Variants in FOXP1 observed in about 807,000 individuals in gnomAD.
The protein encoded by FOXP1 is forkhead box P1, also known as forkhead box protein P1.
Under a neutral mutation model 98.2 loss-of-function variants are expected in FOXP1, and 15 were observed. The observed-to-expected ratio is 0.15, with a 90% confidence interval of 0.10 to 0.24. The LOEUF (loss-of-function observed/expected upper bound fraction) is 0.24, where lower values mean the gene tolerates loss of function less well. FOXP1 is among the 10% of genes least tolerant of loss of function. FOXP1 has a pLI of 1.00. For synonymous variants in FOXP1, 371 were observed against 314.5 expected (o/e 1.18, Z -1.90); for missense variants, 633 against 848.5 (o/e 0.75, Z 3.15).
At chr3:71,222,089 G>T (rs755754058) in intron 5 of FOXP1, among the ~76,000 whole-genome samples, 9 of 152,142 alleles carry the variant, frequency 5.9e-5, no homozygotes, top group Admixed American at 2.6e-4. Context: ...GGAGGTGAAG[G>T]TTGCAGTGAG....
intron 6 of FOXP1, chr3:71,130,450 A>T: frequency 6.4e-7 from 1 of 1,574,458 alleles, no homozygotes; most frequent in Non-Finnish European, 8.6e-7. Context: ...TCCCTAGTTT[A>T]AAAGTTTAAC....
At chr3:71,576,747 C>T (rs776123827) in intron 2 of FOXP1, among the ~76,000 whole-genome samples, 3 of 152,158 alleles carry the variant, frequency 2.0e-5, no homozygotes, top group Non-Finnish European at 4.4e-5. Flanking sequence ...TTTCATGGCA[C>T]TAAACTGAGC....
chr3:71,034,686 G>A (rs2047347230), intron 11 of FOXP1, among the ~76,000 whole-genome samples: 1 of 152,124 alleles, frequency 6.6e-6, no homozygotes, highest in South Asian at 2.1e-4. Context: ...CACATGTCAG[G>A]TCCTTTCATC....
intron 5 of FOXP1, among the ~76,000 whole-genome samples, chr3:71,213,946 T>A (rs1005936940): frequency 1.3e-5 from 2 of 152,230 alleles, no homozygotes; most frequent in Admixed American, 1.3e-4. Context: ...GGTACTACGA[T>A]GATGAATGGA....
chr3:71,449,177 T>C (rs2086711885), intron 3 of FOXP1, among the ~76,000 whole-genome samples: 1 of 152,210 alleles, frequency 6.6e-6, no homozygotes, highest in Non-Finnish European at 1.5e-5. Flanking sequence ...TGATGTGTTT[T>C]ACTTGGGTCA....
At chr3:71,429,460 T>A (rs2084483261) in intron 3 of FOXP1, among the ~76,000 whole-genome samples, 1 of 101,936 alleles carries the variant, frequency 9.8e-6, no homozygotes, top group African/African-American at 3.9e-5. Context: ...CACTTGTGTG[T>A]GCTGCTCGTG....
intron 7 of FOXP1, among the ~76,000 whole-genome samples, chr3:71,101,918 C>T (rs1220032377): frequency 2.0e-5 from 3 of 152,176 alleles, no homozygotes; most frequent in African/African-American, 7.2e-5. Context: ...CAAGGGCCGG[C>T]GCTCTTTGCC....
intron 11 of FOXP1, among the ~76,000 whole-genome samples, chr3:71,037,517 C>G (rs1206329136): frequency 6.6e-6 from 1 of 152,096 alleles, no homozygotes; most frequent in Non-Finnish European, 1.5e-5. Context: ...GACTCTCTGT[C>G]CCTATGGAAT....
intron 3 of FOXP1, among the ~76,000 whole-genome samples, chr3:71,371,946 A>G (rs1432041770): frequency 6.6e-6 from 1 of 151,862 alleles, no homozygotes; most frequent in Non-Finnish European, 1.5e-5. Flanking sequence ...AGCCCTCTTC[A>G]TTCTCTGCAG....
At chr3:71,130,564 G>A (rs914289251) in intron 6 of FOXP1, 8 of 1,598,364 alleles carry the variant, frequency 5.0e-6, no homozygotes, top group Non-Finnish European at 5.9e-6. Flanking sequence ...TCTTCTTGCT[G>A]TAGATGGGTT....
At chr3:71,503,866 G>C (rs1484400222) in intron 2 of FOXP1, among the ~76,000 whole-genome samples, 5 of 152,070 alleles carry the variant, frequency 3.3e-5, no homozygotes, top group Admixed American at 3.3e-4. Context: ...CTCATTAGGG[G>C]GTCAGGAGAA....
At chr3:70,978,431 G>A (rs1372867757) in intron 14 of FOXP1, among the ~76,000 whole-genome samples, 4 of 152,172 alleles carry the variant, frequency 2.6e-5, no homozygotes, top group Non-Finnish European at 5.9e-5. Flanking sequence ...AGTATTTTAG[G>A]TGACACCAGT....
chr3:71,299,339 A>G (rs914636827), intron 5 of FOXP1, among the ~76,000 whole-genome samples: 1 of 152,236 alleles, frequency 6.6e-6, no homozygotes, highest in Non-Finnish European at 1.5e-5. Flanking sequence ...CAGCAGTTAC[A>G]TCAATGTGGC....
intron 6 of FOXP1, among the ~76,000 whole-genome samples, chr3:71,179,213 C>T (rs2062136033): frequency 6.7e-6 from 1 of 150,270 alleles, no homozygotes; most frequent in Admixed American, 6.7e-5. Context: ...ACTGCAACCT[C>T]CGCCTCCCGG....
chr3:71,441,346 C>T (rs1259223365), intron 3 of FOXP1, among the ~76,000 whole-genome samples: 1 of 152,244 alleles, frequency 6.6e-6, no homozygotes, highest in Non-Finnish European at 1.5e-5. Flanking sequence ...GATGCTGCTA[C>T]ACATCCCACC....
chr3:71,220,092 G>C (rs372714728), intron 5 of FOXP1, among the ~76,000 whole-genome samples: 1 of 152,172 alleles, frequency 6.6e-6, no homozygotes, highest in East Asian at 1.9e-4. Flanking sequence ...GCCCCATCAA[G>C]TTTTATACTA....
chr3:71,582,177 G>A (rs1163639217), intron 1 of FOXP1: 1 of 984,812 alleles, frequency 1.0e-6, no homozygotes, highest in African/African-American at 1.8e-5. Flanking sequence ...GTGTGTCACT[G>A]CCAGTCTCCC....
intron 3 of FOXP1, among the ~76,000 whole-genome samples, chr3:71,384,992 C>G (rs1369073598): frequency 1.3e-5 from 2 of 152,020 alleles, no homozygotes; most frequent in African/African-American, 2.4e-5. Context: ...AGCAATAATA[C>G]AGCATTTCTT....
intron 7 of FOXP1, chr3:71,064,973 C>T (rs2052216575): frequency 6.4e-6 from 1 of 156,618 alleles, no homozygotes; most frequent in South Asian, 2.0e-4. Context: ...CGCGCCGCGC[C>T]GCGCCCACCC....
Sources: gnomAD v4.1 joint callset for allele counts (sites outside exome capture counted in the v4.1 genomes callset) on GRCh38, gnomAD v4.1.1 for gene constraint, MANE v1.5 for transcripts, NCBI Gene and HGNC (gene_info 2026-07-23, HGNC 2026-07-21) for gene names.